The following LRRC37B variants were observed in gnomAD, a reference collection of about 807,000 sequenced individuals.
The protein encoded by LRRC37B is leucine-rich repeat-containing protein 37B.
Under a neutral mutation model 98.3 loss-of-function variants are expected in LRRC37B, and 28 were observed. The ratio of observed to expected loss-of-function variants is 0.28; its 90% CI spans 0.21 to 0.39. LRRC37B has a LOEUF of 0.39. LRRC37B is among the 10% of genes least tolerant of loss of function. The pLI is 1.00. For synonymous variants in LRRC37B, 364 were observed against 442.7 expected, an observed-to-expected ratio of 0.82 and a Z score of 2.23; for missense variants, 938 against 1,182.7, an observed-to-expected ratio of 0.79 and a Z score of 3.03.
intron 1 of LRRC37B, among the ~76,000 whole-genome samples, chr17:32,012,845 C>T (rs1264888094): frequency 1.3e-5 from 2 of 152,136 alleles, no homozygotes; most frequent in African/African-American, 2.4e-5. Flanking sequence ...GGTGAAACCC[C>T]GTCCCTACTA....
intron 2 of LRRC37B, among the ~76,000 whole-genome samples, chr17:32,025,029 C>CCT (rs1567614542): frequency 5.7e-5 from 2 of 35,246 alleles, no homozygotes; most frequent in Non-Finnish European, 5.6e-5. Context: ...TTTTTTTCCT[C>CCT]GTTTTTTTTT....
exon 1 of LRRC37B, chr17:32,021,710 G>T (rs746210121): frequency 1.2e-6 from 2 of 1,614,062 alleles, no homozygotes; most frequent in Non-Finnish European, 1.7e-6. Flanking sequence ...TTGTTGTTTC[G>T]CCCAAGAACC....
chr17:32,024,743 A>G (rs758593716), exon 2 of LRRC37B: 1 of 1,606,310 alleles, frequency 6.2e-7, no homozygotes. Flanking sequence ...TCATACCTTG[A>G]TGGAAATGTA....
At chr17:32,007,979 G>C (rs995206611), upstream of LRRC37B, 8 of 510,614 alleles carry the variant, frequency 1.6e-5, no homozygotes, top group South Asian at 1.4e-4. The surrounding 1 kb of genome is among the most constrained non-coding windows in gnomAD (Gnocchi z 4.1). Flanking sequence ...GTAAGAGGAG[G>C]GGGGCGGCGA....
At chr17:32,050,320 G>C (rs532893758) in intron 11 of LRRC37B, 17 of 444,936 alleles carry the variant, frequency 3.8e-5, no homozygotes, top group Non-Finnish European at 6.2e-5. Flanking sequence ...ATAAAACCAA[G>C]TTAATCCCAC....
At chr17:32,034,969 C>T (rs1388099168) in exon 6 of LRRC37B, 1 of 1,606,224 alleles carries the variant, frequency 6.2e-7, no homozygotes, top group East Asian at 2.2e-5. Flanking sequence ...GAACTGCCGG[C>T]ATTAAAATAT....
chr17:32,012,925 G>A (rs1910567645), intron 1 of LRRC37B, among the ~76,000 whole-genome samples: 1 of 152,198 alleles, frequency 6.6e-6, no homozygotes, highest in Non-Finnish European at 1.5e-5. Flanking sequence ...GCTGAGGCAG[G>A]AGAATTGCTT....
chr17:32,014,346 C>T (rs1038077182), intron 1 of LRRC37B, among the ~76,000 whole-genome samples: 1 of 152,088 alleles, frequency 6.6e-6, no homozygotes, highest in African/African-American at 2.4e-5. Flanking sequence ...CAAGTAACTG[C>T]AGAACATCTT....
At chr17:32,045,420 C>G in intron 7 of LRRC37B, 1 of 341,482 alleles carries the variant, frequency 2.9e-6, no homozygotes, top group Non-Finnish European at 5.5e-6. Flanking sequence ...ACTTTTGAGT[C>G]GGGAAGAGAT....
chr17:32,043,621 A>G (rs1050779522), intron 7 of LRRC37B, among the ~76,000 whole-genome samples: 9 of 152,148 alleles, frequency 5.9e-5, no homozygotes, highest in African/African-American at 2.2e-4. Flanking sequence ...ATGCTAGGTT[A>G]TGGTTCTGGG....
chr17:32,023,579 C>T (rs1191815787), intron 1 of LRRC37B, among the ~76,000 whole-genome samples: 2 of 152,144 alleles, frequency 1.3e-5, no homozygotes, highest in East Asian at 3.8e-4. Flanking sequence ...CTCTGTGACT[C>T]AATTTCCTCC....
intron 1 of LRRC37B, 26 bp from the exon 5 acceptor site, chr17:32,024,685 A>C (rs1388087883): frequency 6.2e-7 from 1 of 1,607,152 alleles, no homozygotes; most frequent in Non-Finnish European, 8.5e-7. Flanking sequence ...TGCCTATTCA[A>C]GGATATAAAC....
chr17:32,052,131 G>A (rs1454137009), intron 11 of LRRC37B: 2 of 151,748 alleles, frequency 1.3e-5, no homozygotes, highest in African/African-American at 2.4e-5. Context: ...TATTTTATAT[G>A]CAAATAATGA....
In LRRC37B at chr17:32,023,685, T is replaced by G. The variant is rs111702311; in HGVS notation, c.1760+860T>G. ...GAACACTTCATCAGTGCCTAGCATATGTAGGAGTGTTGGCTGTTAACATGA... is the reference window on the plus strand; with the variant it reads ...GAACACTTCATCAGTGCCTAGCATAGGTAGGAGTGTTGGCTGTTAACATGA... On this transcript the variant is annotated intron_variant, in intron 1 of 11. Coordinates refer to ENST00000327564, the Ensembl canonical transcript of LRRC37B. Among the ~76,000 whole-genome samples the G allele has an allele frequency of 2.2e-3, 330 of 152,350 alleles. 1 individual carries two copies. Among genetic ancestry groups the G allele is most frequent in the South Asian group, 4.8e-3 (23 of 4,832 alleles).
At chr17:32,014,476 T>G (rs1271141109) in intron 1 of LRRC37B, among the ~76,000 whole-genome samples, 1 of 152,204 alleles carries the variant, frequency 6.6e-6, no homozygotes, top group Non-Finnish European at 1.5e-5. Context: ...GAATGTGTTG[T>G]CAGAAGTTCT....
chr17:32,014,213 A>T (rs1910600145), intron 1 of LRRC37B, among the ~76,000 whole-genome samples: 1 of 152,234 alleles, frequency 6.6e-6, no homozygotes, highest in African/African-American at 2.4e-5. Flanking sequence ...AAACTCCTAA[A>T]TGAAACAAAG....
At chr17:32,021,197 A>G (rs1234823270) in exon 1 of LRRC37B, 1 of 1,613,022 alleles carries the variant, frequency 6.2e-7, no homozygotes, top group East Asian at 2.2e-5. Flanking sequence ...CGTGGCAACT[A>G]TTGTCTTTAC....
chr17:32,023,939 G>A (rs1463964343), intron 1 of LRRC37B, among the ~76,000 whole-genome samples: 1 of 152,090 alleles, frequency 6.6e-6, no homozygotes, highest in African/African-American at 2.4e-5. Flanking sequence ...TGGTCCTTGA[G>A]GTGTGGAGAT....
chr17:32,021,048 G>A (rs1341003347), exon 1 of LRRC37B: 3 of 1,602,782 alleles, frequency 1.9e-6, no homozygotes, highest in African/African-American at 1.3e-5. Flanking sequence ...ATAAATAAAG[G>A]TGTCATAAAG....
Sources: gnomAD v4.1 joint callset for allele counts (sites outside exome capture counted in the v4.1 genomes callset) on GRCh38, gnomAD v4.1.1 for gene constraint, Gnocchi (gnomAD v3.1) non-coding constraint, MANE v1.5 for transcripts, NCBI Gene and HGNC (gene_info 2026-07-23, HGNC 2026-07-21) for gene names.